Variants in TACR1 observed in about 807,000 individuals in gnomAD.
The protein encoded by TACR1 is substance-P receptor.
A neutral mutation model predicts 35.8 loss-of-function variants in TACR1; 25 were observed. The observed-to-expected ratio is 0.70, with a 90% confidence interval of 0.51 to 0.98. The LOEUF is 0.98. Among genes scored for constraint, TACR1 ranks in the 50% least tolerant of loss-of-function variants. The pLI is 0.00. For missense variants in TACR1, 478 were observed against 522.9 expected (o/e 0.91, Z 0.84); for synonymous variants, 195 against 206.7 (o/e 0.94, Z 0.48).
intron 2 of TACR1, among the ~76,000 whole-genome samples, chr2:75,088,313 C>T (rs1259183108): frequency 6.6e-6 from 1 of 152,116 alleles, no homozygotes; most frequent in African/African-American, 2.4e-5. Flanking sequence ...AATACACCCT[C>T]CTTCCTTCCC....
chr2:75,135,166 T>C (rs1674253601), intron 1 of TACR1, among the ~76,000 whole-genome samples: 1 of 152,154 alleles, frequency 6.6e-6, no homozygotes, highest in Non-Finnish European at 1.5e-5. Flanking sequence ...CCTCTTCCCA[T>C]GCGGGCCCCA....
At chr2:75,134,200 C>G (rs936450603) in intron 1 of TACR1, among the ~76,000 whole-genome samples, 1 of 152,198 alleles carries the variant, frequency 6.6e-6, no homozygotes, top group Non-Finnish European at 1.5e-5. Flanking sequence ...CCTTTACTTT[C>G]TTAATAAACT....
chr2:75,129,377 A>G (rs1558562770), intron 1 of TACR1, among the ~76,000 whole-genome samples: 1 of 152,174 alleles, frequency 6.6e-6, no homozygotes, highest in Non-Finnish European at 1.5e-5. Flanking sequence ...TAAGTTATTA[A>G]ATAATTAATG....
intron 2 of TACR1, among the ~76,000 whole-genome samples, chr2:75,115,449 G>A (rs892062521): frequency 7.9e-5 from 12 of 152,090 alleles, no homozygotes; most frequent in Non-Finnish European, 1.3e-4. Context: ...AGATGATATA[G>A]TCTATTTTTG....
chr2:75,140,235 G>GT (rs1442673551), intron 1 of TACR1, among the ~76,000 whole-genome samples: 10 of 152,070 alleles, frequency 6.6e-5, no homozygotes, highest in African/African-American at 2.4e-4. Context: ...CTGGGTGGAT[G>GT]TAAGTACACA....
intron 1 of TACR1, among the ~76,000 whole-genome samples, chr2:75,173,065 T>C (rs879703633): frequency 6.6e-5 from 10 of 152,140 alleles, no homozygotes; most frequent in Non-Finnish European, 1.0e-4. Flanking sequence ...CTTCAACTTA[T>C]GAATCTTGGG....
chr2:75,179,905 C>T (rs958660104), intron 1 of TACR1, among the ~76,000 whole-genome samples: 1 of 152,164 alleles, frequency 6.6e-6, no homozygotes, highest in African/African-American at 2.4e-5. Flanking sequence ...GGGGGTTTGC[C>T]TGTTACTCCA....
intron 1 of TACR1, among the ~76,000 whole-genome samples, chr2:75,195,408 CA>C (rs1310193415): frequency 6.7e-6 from 1 of 150,330 alleles, no homozygotes; most frequent in African/African-American, 2.5e-5. Context: ...CCTTTCCCCC[CA>C]TCCCTTTTTT....
intron 1 of TACR1, 62 bp from the exon 2 acceptor site, chr2:75,120,830 C>G: frequency 1.5e-6 from 2 of 1,318,166 alleles, no homozygotes; most frequent in Non-Finnish European, 2.0e-6. Context: ...TCAGAGATTC[C>G]ATATTTTTCC....
intron 2 of TACR1, among the ~76,000 whole-genome samples, chr2:75,063,254 A>T (rs1421282164): frequency 6.6e-6 from 1 of 151,884 alleles, no homozygotes; most frequent in Non-Finnish European, 1.5e-5. Context: ...AATCATTTTC[A>T]TTTCTTCTTT....
chr2:75,086,488 TACTGACTG>T (rs959521622), intron 2 of TACR1, among the ~76,000 whole-genome samples: 1 of 152,158 alleles, frequency 6.6e-6, no homozygotes, highest in African/African-American at 2.4e-5. Context: ...AATAAATATT[TACTGACTG>T]ACTGACTGAC....
intron 1 of TACR1, among the ~76,000 whole-genome samples, chr2:75,162,010 A>G (rs1002075478): frequency 9.2e-5 from 13 of 141,478 alleles, no homozygotes; most frequent in African/African-American, 3.4e-4. Flanking sequence ...GAAGGAGGAG[A>G]CCAATTGAGA....
chr2:75,048,715 A>G lies in TACR1; in HGVS notation c.*717T>C, dbSNP rs1157271294. The G allele has an allele frequency of 6.6e-6, 1 of 152,178 alleles. No individual in the cohort carries two copies. Among genetic ancestry groups the G allele is most frequent in the Admixed American group, 6.5e-5 (1 of 15,286 alleles). 9.4% of individuals were successfully genotyped at this position (152,178 alleles called of 1,614,324 possible). ...AGGAAAAGAGGGTCAACTACACATTAAATGTAGTGCAAGTCTCCCAATTCC... is the reference window on the plus strand; with the variant it reads ...AGGAAAAGAGGGTCAACTACACATTGAATGTAGTGCAAGTCTCCCAATTCC... On this transcript the variant is annotated 3_prime_UTR_variant, in exon 5 of 5. Coordinates refer to ENST00000305249, the MANE Select transcript of TACR1 (RefSeq NM_001058.4).
In TACR1 at chr2:75,049,508, G is replaced by T; in HGVS notation, c.1148C>A (p.Thr383Asn). The T allele has an allele frequency of 6.2e-7, 1 of 1,614,174 alleles. No individual in the cohort carries two copies. The highest frequency in any genetic ancestry group is 8.5e-7 in the Non-Finnish European group (1 of 1,179,984). Residue 383 changes from threonine (T) to asparagine (N), a missense_variant, in exon 5 of 5, where the codon ACC (threonine) becomes AAC (asparagine). Transcript: ENST00000305249. The stretch of plus-strand genomic sequence containing the variant: ...GTCACTTCGTGAAGAGCAGTTGGAG[G>T]TCAGGTCCAGGGACGAGGGTGTGGC... ...PKATPSSLDL[T>N]SNCSSRSDSK...
At chr2:75,188,817 T>G (rs1295018566) in intron 1 of TACR1, 2 of 152,188 alleles carry the variant, frequency 1.3e-5, no homozygotes, top group African/African-American at 4.8e-5. Context: ...CTGTAGACCT[T>G]CTTTATAAGA....
chr2:75,120,457 A>C (rs1420731400), intron 2 of TACR1, 117 bp downstream of exon 2: 2 of 931,916 alleles, frequency 2.1e-6, no homozygotes, highest in Non-Finnish European at 3.2e-6. Flanking sequence ...AAATGCTTGC[A>C]GATACACATT....
At position 75,061,383 on chromosome 2, in the gene TACR1, G is replaced by A. The variant is rs149548291; in HGVS notation, c.585-7628C>T. ...CCAGGTGAGTCGAGTGGGAAGTGAGGAAGTGGAAGCAGTAGGTGTAGATTC... is the reference window on the plus strand; with the variant it reads ...CCAGGTGAGTCGAGTGGGAAGTGAGAAAGTGGAAGCAGTAGGTGTAGATTC... On this transcript the variant is annotated intron_variant, in intron 2 of 4. Coordinates refer to ENST00000305249, the MANE Select transcript of TACR1 (RefSeq NM_001058.4). Among the ~76,000 whole-genome samples, 228 of 152,252 alleles carry A rather than the reference G, an allele frequency of 1.5e-3. 2 individuals are homozygous for A. Among genetic ancestry groups the A allele is most frequent in the African/African-American group, 5.3e-3 (219 of 41,538 alleles).
intron 1 of TACR1, among the ~76,000 whole-genome samples, chr2:75,170,637 T>C (rs1212705898): frequency 1.3e-5 from 2 of 152,150 alleles, no homozygotes; most frequent in Admixed American, 1.3e-4. Flanking sequence ...GACCCCAAAA[T>C]GCTGATGGTG....
At chr2:75,137,729 A>C (rs1345755065) in intron 1 of TACR1, among the ~76,000 whole-genome samples, 3 of 35,804 alleles carry the variant, frequency 8.4e-5, no homozygotes, top group Non-Finnish European at 1.8e-4. Context: ...TCTCCGTCTC[A>C]AAAAAAAAAA....
Sources: allele counts gnomAD v4.1 joint callset (sites outside exome capture counted in the v4.1 genomes callset), GRCh38; gene constraint gnomAD v4.1.1; transcripts MANE v1.5; gene names NCBI Gene and HGNC (gene_info 2026-07-23, HGNC 2026-07-21).